FANCD2: variants seen among roughly 807,000 people sequenced by gnomAD.
FANCD2 encodes FA complementation group D2.
FANCD2 carries 131 observed loss-of-function variants against 192.3 expected under a neutral mutation model. The observed-to-expected ratio is 0.68, with a 90% CI of 0.59 to 0.79. The LOEUF is 0.79. Ranked by LOEUF, FANCD2 falls within the 30% of genes least tolerant of loss-of-function variation. The probability of loss-of-function intolerance (pLI) is 0.00; values close to 1 mark genes in which losing one functional copy is unlikely to be tolerated. For missense variants in FANCD2, 1,508 were observed against 1,701.6 expected (o/e 0.89, Z 2.00); for synonymous variants, 524 against 612.5 (o/e 0.86, Z 2.13).
In FANCD2 at chr3:10,064,737, C is replaced by T. The variant is rs2087667280; in HGVS notation, c.2030C>T (p.Pro677Leu). The T allele has an allele frequency of 6.2e-7, 1 of 1,614,166 alleles. No homozygotes were observed. The highest frequency in any genetic ancestry group is 8.5e-7 in the Non-Finnish European group (1 of 1,180,006). The change falls in exon 23 of 44, where the codon CCA (proline) becomes CTA (leucine). Residue 677 changes from proline to leucine, a missense_variant. Transcript: ENST00000675286. ...DSCVVPEGDF[P>L]FPVKALYGLE... ...CTGGTTTTTCTCCGCAGTGACTTTCCATTTCCTGTGAAAGCACTGTACGGA... is the reference window on the plus strand; with the variant it reads ...CTGGTTTTTCTCCGCAGTGACTTTCTATTTCCTGTGAAAGCACTGTACGGA...
At chr3:10,066,033 T>G (rs1264535692) in intron 25 of FANCD2, 54 bp downstream of exon 25, 4 of 1,185,514 alleles carry the variant, frequency 3.4e-6, no homozygotes, top group Non-Finnish European at 5.0e-6. Context: ...TTCTCAAAAC[T>G]ATTTTCTTAG....
intron 43 of FANCD2, chr3:10,099,228 C>T (rs1695159595): frequency 7.4e-7 from 1 of 1,344,142 alleles, no homozygotes; most frequent in Non-Finnish European, 9.6e-7. Flanking sequence ...AGCCAAAGCA[C>T]AGAGTCAGAA....
intron 19 of FANCD2, among the ~76,000 whole-genome samples, chr3:10,061,094 C>T (rs1337607884): frequency 2.0e-5 from 3 of 152,142 alleles, no homozygotes; most frequent in African/African-American, 7.2e-5. Context: ...ACTTAATCAC[C>T]AGACACCTGC....
chr3:10,065,054 A>G (rs2087679588), intron 23 of FANCD2, among the ~76,000 whole-genome samples, 179 bp downstream of exon 23: 1 of 152,090 alleles, frequency 6.6e-6, no homozygotes, highest in African/African-American at 2.4e-5. Context: ...CTTGAGATTT[A>G]TATTGCCTTG....
At chr3:10,049,699 G>A (rs1355838219) in intron 17 of FANCD2, among the ~76,000 whole-genome samples, 194 bp downstream of exon 17, 2 of 152,190 alleles carry the variant, frequency 1.3e-5, no homozygotes, top group Non-Finnish European at 2.9e-5. Flanking sequence ...TGAATGTAAA[G>A]TAGGCCCTTA....
intron 18 of FANCD2, chr3:10,058,075 A>G (rs563243909): frequency 2.9e-4 from 143 of 495,774 alleles, no homozygotes; most frequent in African/African-American, 2.5e-3. Context: ...ACTTCTTGGG[A>G]TTCTCCAAAT....
rs372575998 is a variant in FANCD2 at position 10,078,332 on chromosome 3, GA to G, written c.2976+136del. 2.8e-3 allele frequency: 1,993 copies of G among 708,644 alleles called. 51 individuals are homozygous for G. The highest frequency in any genetic ancestry group is 0.022 in the South Asian group (1,515 of 69,074). The allele number at this position is 708,644 out of a possible 1,614,324, so 43.9% of individuals were successfully genotyped here. On this transcript the variant is annotated intron_variant, in intron 30 of 43. Coordinates refer to ENST00000675286, the MANE Select transcript of FANCD2 (RefSeq NM_001018115.3). The stretch of plus-strand genomic sequence containing the variant: ...TAGCATGGGTGCAGCCGTATTGCCA[GA>G]CAATATTCATCTTGCTTTATTTATT...
chr3:10,049,925 T>C (rs2087146390), intron 17 of FANCD2, among the ~76,000 whole-genome samples: 1 of 151,626 alleles, frequency 6.6e-6, no homozygotes, highest in South Asian at 2.1e-4. Context: ...CAGAGAAGAG[T>C]TTGAGCAGAA....
At chr3:10,053,349 A>T (rs1435505216) in intron 18 of FANCD2, among the ~76,000 whole-genome samples, 2 of 119,410 alleles carry the variant, frequency 1.7e-5, no homozygotes, top group African/African-American at 6.5e-5. Flanking sequence ...GGGCACAGGA[A>T]GGGGAACATC....
At chr3:10,085,949 T>G in intron 33 of FANCD2, 27 bp downstream of exon 33, 4 of 1,489,366 alleles carry the variant, frequency 2.7e-6, no homozygotes, top group Non-Finnish European at 3.8e-6. Context: ...TAGCCAAGAT[T>G]GTTGTCCCAA....
intron 42 of FANCD2, among the ~76,000 whole-genome samples, chr3:10,098,507 C>T (rs1695111945): frequency 1.3e-5 from 2 of 152,156 alleles, no homozygotes; most frequent in Non-Finnish European, 2.9e-5. Context: ...CCTTTCGTTA[C>T]ATTACTTATT....
Position 10,065,814 on chromosome 3 carries a change from G to T in FANCD2, c.2270-50G>T, listed in dbSNP as rs371563130. 23 of 1,227,082 alleles carry T rather than the reference G, an allele frequency of 1.9e-5. No individual in the cohort carries two copies. The African/African-American group carries it at 2.4e-4, about 13-fold the overall frequency. 76.0% of individuals were successfully genotyped at this position (1,227,082 alleles called of 1,614,324 possible). ...AGCTAGCTCCAGAGGCAACCTCCAG[G>T]TTTTATTGGCTTGCACTAAAGGTAG... On this transcript the variant is annotated intron_variant, in intron 24 of 43. Transcript: ENST00000675286.
intron 9 of FANCD2, 179 bp from the exon 10 acceptor site, chr3:10,041,444 G>A (rs2086861500): frequency 1.8e-6 from 1 of 554,180 alleles, no homozygotes; most frequent in Admixed American, 3.1e-5. Context: ...TTTATAATGA[G>A]CATGTATTAT....
Position 10,095,284 on chromosome 3 carries a change from G to T in FANCD2, c.4038+10G>T, listed in dbSNP as rs1261484580. 6.2e-7 allele frequency: 1 copy of T among 1,612,864 alleles called. No individual in the cohort carries two copies. Reference sequence around the variant, plus strand: ...GTGTGGGCATTCCAAGGTAAGAAGGGGAGCAGGTTCTATCAGCAGCCTGCC... The same window carrying T: ...GTGTGGGCATTCCAAGGTAAGAAGGTGAGCAGGTTCTATCAGCAGCCTGCC... On this transcript the variant is annotated intron_variant, in intron 41 of 43. Coordinates refer to ENST00000675286, the MANE Select transcript of FANCD2 (RefSeq NM_001018115.3).
chr3:10,041,630 C>G lies in FANCD2; in HGVS notation c.703C>G (p.Leu235Val). The part of the protein sequence containing the change: ...ADVGKELSDL[L>V]IENTSLTVPI... ...TTTTTCTACCATTCACAGTGACCTA[C>G]TGATAGAGAATACTTCACTCACTGT... The change falls in exon 10 of 44, where the codon CTG becomes GTG. Residue 235 changes from leucine to valine, a missense_variant. By Grantham distance (32) the Leu-to-Val change is conservative (BLOSUM62 1). Transcript: ENST00000675286. The G allele has an allele frequency of 6.2e-7, 1 of 1,612,080 alleles. No homozygotes were observed.
In FANCD2 at chr3:10,060,260, A is replaced by G. The variant is rs559140072; in HGVS notation, c.1657-34A>G. The G allele has an allele frequency of 7.4e-6, 11 of 1,478,862 alleles. No homozygotes were observed. In the South Asian group the frequency reaches 1.2e-4, roughly 17 times the overall value. The allele number at this position is 1,478,862 out of a possible 1,614,324, so 91.6% of individuals were successfully genotyped here. On this transcript the variant is annotated intron_variant, in intron 18 of 43. Coordinates refer to ENST00000675286, the MANE Select transcript of FANCD2 (RefSeq NM_001018115.3). ...ATACCTTCTTTTGCTGTGCCATTCC[A>G]GCATTTTCATCTTTCTTCATCATCT...
chr3:10,049,350 T>C (rs2087126766), intron 16 of FANCD2, 24 bp from the exon 17 acceptor site: 1 of 1,577,244 alleles, frequency 6.3e-7, no homozygotes, highest in Non-Finnish European at 8.7e-7. Context: ...TTTTACACTG[T>C]TCTGTTGACT....
intron 1 of FANCD2, among the ~76,000 whole-genome samples, chr3:10,026,979 T>C (rs1429656468): frequency 9.6e-5 from 9 of 93,444 alleles, no homozygotes; most frequent in Non-Finnish European, 6.3e-5. Context: ...GAAGCCAGAC[T>C]CCGAGTTAGA....
chr3:10,077,372 G>A (rs1292178735), intron 29 of FANCD2, among the ~76,000 whole-genome samples: 1 of 152,060 alleles, frequency 6.6e-6, no homozygotes, highest in East Asian at 1.9e-4. Flanking sequence ...CCTGGCCAAC[G>A]TGATGAAACC....
Sources: gnomAD v4.1 joint callset for allele counts (sites outside exome capture counted in the v4.1 genomes callset) on GRCh38, gnomAD v4.1.1 for gene constraint, MANE v1.5 for transcripts, NCBI Gene and HGNC (gene_info 2026-07-23, HGNC 2026-07-21) for gene names.